The following CSF3R variants were observed in gnomAD, a reference collection of about 807,000 sequenced individuals.
The protein encoded by CSF3R is colony stimulating factor 3 receptor, also known as granulocyte colony-stimulating factor receptor.
Under a neutral mutation model 84.4 loss-of-function variants are expected in CSF3R, and 52 were observed. The ratio of observed to expected loss-of-function variants is 0.62; its 90% CI spans 0.49 to 0.78. CSF3R has a LOEUF of 0.78. Among genes scored for constraint, CSF3R ranks in the 30% least tolerant of loss-of-function variants. The pLI is 0.00. For missense variants in CSF3R, 890 were observed against 1,055.7 expected, an observed-to-expected ratio of 0.84 and a Z score of 2.17; for synonymous variants, 384 against 429.1, an observed-to-expected ratio of 0.89 and a Z score of 1.30.
In CSF3R at chr1:36,469,813, A is replaced by G. The variant is rs1279545396; in HGVS notation, c.1313T>C (p.Met438Thr). The G allele has an allele frequency of 1.9e-6, 3 of 1,613,946 alleles. No individual in the cohort carries two copies. The highest frequency in any genetic ancestry group is 2.5e-6 in the Non-Finnish European group (3 of 1,180,038). ...CCAGAGGCTGTGAGGGTCTCGGGCC[A>G]TGGCATGGAGTCTGGTCAGAGCTGG... The part of the protein sequence containing the change: ...RGPALTRLHA[M>T]ARDPHSLWVG... The change falls in exon 11 of 17, where the codon ATG (methionine) becomes ACG (threonine). Residue 438 changes from methionine to threonine, a missense_variant. Coordinates refer to ENST00000373106, the MANE Select transcript of CSF3R (RefSeq NM_000760.4).
At chr1:36,471,992 A>G (rs1650774844) in intron 9 of CSF3R, 74 bp downstream of exon 9, 1 of 1,482,448 alleles carries the variant, frequency 6.7e-7, no homozygotes, top group Non-Finnish European at 9.3e-7. Flanking sequence ...TGGAGTCCTA[A>G]GCCCCGGTTT....
chr1:36,477,061 A>T (rs1343348333), intron 3 of CSF3R: 1 of 152,130 alleles, frequency 6.6e-6, no homozygotes, highest in Admixed American at 6.5e-5. Flanking sequence ...CAGACCAGGC[A>T]CTAACGAACT....
rs759364352 is a variant in CSF3R, at chr1:36,475,659, C to T, written c.79G>A (p.Gly27Arg). Residue 27 changes from glycine (G) to arginine (R), a missense_variant, in exon 4 of 17, where the codon GGG becomes AGG. Physicochemically the swap from Gly to Arg is moderately radical, Grantham distance 125 (BLOSUM62 -2). Transcript: ENST00000373106. ...LLLPGSLEECGHISVSAPIVH... is the reference protein window; with the variant it reads ...LLLPGSLEECRHISVSAPIVH... ...ATGGGGGCTGAGACACTGATGTGCC[C>T]GCACTCCTCCAGACCTGGGGTGGAA... The T allele has an allele frequency of 1.0e-5, 16 of 1,607,070 alleles. No individual in the cohort carries two copies. Among genetic ancestry groups the T allele is most frequent in the Non-Finnish European group, 1.2e-5 (14 of 1,175,320 alleles).
intron 3 of CSF3R, 75 bp downstream of exon 3, chr1:36,479,358 A>G: frequency 1.5e-6 from 2 of 1,376,170 alleles, no homozygotes. Flanking sequence ...GCCATGTGGC[A>G]GTGCAAGGAA....
chr1:36,481,067 G>A (rs1443133161), intron 2 of CSF3R, among the ~76,000 whole-genome samples: 2 of 152,080 alleles, frequency 1.3e-5, no homozygotes, highest in East Asian at 1.9e-4. Context: ...TTATCCCCCC[G>A]CAACACTGGT....
At chr1:36,470,669 T>C (rs1650654701) in intron 10 of CSF3R, among the ~76,000 whole-genome samples, 1 of 152,224 alleles carries the variant, frequency 6.6e-6, no homozygotes, top group South Asian at 2.1e-4. Context: ...TAGTCCCACC[T>C]TGCGAGGACC....
At chr1:36,474,390 CTTTTTTTTTT>C (rs911099378) in intron 4 of CSF3R, among the ~76,000 whole-genome samples, 2 of 86,274 alleles carry the variant, frequency 2.3e-5, no homozygotes, top group African/African-American at 1.0e-4. Flanking sequence ...ATTACTGGTG[CTTTTTTTTTT>C]TTTTTTTTTT....
chr1:36,470,842 G>C (rs1650667994), intron 10 of CSF3R, among the ~76,000 whole-genome samples: 1 of 152,048 alleles, frequency 6.6e-6, no homozygotes, highest in Non-Finnish European at 1.5e-5. Context: ...AGCTTAACCT[G>C]GTCTGGCTAA....
intron 10 of CSF3R, among the ~76,000 whole-genome samples, chr1:36,470,344 C>G (rs1388089185): frequency 6.6e-6 from 1 of 152,036 alleles, no homozygotes; most frequent in African/African-American, 2.4e-5. Context: ...GCCACCATGC[C>G]CGGCTAATTT....
rs1391944248 is a variant in CSF3R at position 36,467,539 on chromosome 1, G to T, written c.1958+19C>A. 1.2e-6 allele frequency: 2 copies of T among 1,610,674 alleles called. No homozygotes were observed. Among genetic ancestry groups the T allele is most frequent in the Non-Finnish European group, 1.7e-6 (2 of 1,177,068 alleles). On this transcript the variant is annotated intron_variant, in intron 15 of 16. Coordinates refer to ENST00000373106, the MANE Select transcript of CSF3R (RefSeq NM_000760.4). This position sits in a 1 kb window ranked among gnomAD's most constrained non-coding sequence, Gnocchi z 4.1. Reference sequence around the variant, plus strand: ...GTGGGTGGGGGAAGCAGGATCTCAGGTCTCTCAAAGGGACTCACTTGGGGC... The same window carrying T: ...GTGGGTGGGGGAAGCAGGATCTCAGTTCTCTCAAAGGGACTCACTTGGGGC...
At chr1:36,474,738 G>A (rs922525418) in intron 4 of CSF3R, among the ~76,000 whole-genome samples, 6 of 152,280 alleles carry the variant, frequency 3.9e-5, no homozygotes, top group African/African-American at 1.4e-4. Context: ...AAGCCCAGCT[G>A]GTAGAGGATG....
chr1:36,478,509 A>G (rs1409927542), intron 3 of CSF3R, among the ~76,000 whole-genome samples: 6 of 152,028 alleles, frequency 3.9e-5, no homozygotes, highest in East Asian at 1.9e-4. Flanking sequence ...AGCCTGGGCA[A>G]GAGAGTGAGA....
intron 12 of CSF3R, chr1:36,468,650 C>T (rs1650503409): frequency 4.6e-6 from 1 of 215,248 alleles, no homozygotes; most frequent in African/African-American, 2.3e-5. Context: ...CCGATCCTCC[C>T]ACCTCAGCCT....
chr1:36,482,191 T>G (rs1482022310), intron 1 of CSF3R: 2 of 151,308 alleles, frequency 1.3e-5, no homozygotes, highest in Non-Finnish European at 2.9e-5. Flanking sequence ...AGGCGGTGAC[T>G]GAAATCCACA....
intron 9 of CSF3R, 129 bp downstream of exon 9, chr1:36,471,937 T>A (rs868865998): frequency 3.3e-6 from 3 of 922,682 alleles, no homozygotes; most frequent in Middle Eastern, 3.0e-4. Context: ...ACATGCAAAG[T>A]GCATGCAAAT....
intron 3 of CSF3R, chr1:36,479,195 C>T (rs566355430): frequency 3.4e-6 from 2 of 591,294 alleles, no homozygotes; most frequent in African/African-American, 1.8e-5. Flanking sequence ...AAGATCTGCG[C>T]CTCACTGGCC....
In CSF3R at chr1:36,473,534, G is replaced by GTTTGC. The variant is rs775386307; in HGVS notation, c.569_573dup (p.His192AlafsTer36). The GTTTGC allele has an allele frequency of 6.2e-7, 1 of 1,614,194 alleles. No homozygotes were observed. Among genetic ancestry groups the GTTTGC allele is most frequent in the Non-Finnish European group, 8.5e-7 (1 of 1,180,052 alleles). Reference sequence around the variant, plus strand: ...CCCATATTCTGGTACAACAGCAGGTGTTTGCGTGGGATGCAGCAGTGGCTC... The same window carrying GTTTGC: ...CCCATATTCTGGTACAACAGCAGGTGTTTGCTTTGCGTGGGATGCAGCAGTGGCTC... On this transcript the variant is annotated frameshift_variant, in exon 6 of 17. Transcript: ENST00000373106. LOFTEE classifies it high-confidence loss of function.
rs3918017 is a variant in CSF3R, at chr1:36,472,634, G to A, written c.726C>T (p.Ala242=). 0.016 allele frequency: 25,659 copies of A among 1,611,898 alleles called. 290 individuals carry two copies. The highest frequency in any genetic ancestry group is 0.019 in the Middle Eastern group (109 of 5,590). The change falls in exon 7 of 17, where the codon GCC becomes GCT. Residue 242 remains alanine, a synonymous_variant. Transcript: ENST00000373106. This position sits in a 1 kb window ranked among gnomAD's most constrained non-coding sequence, Gnocchi z 5.0. The stretch of plus-strand genomic sequence containing the variant: ...GCTGTAGGCAGCCTGCCTGGGGAGG[G>A]GCCGCTTCAGGGCTGGGGTCCATGG... The part of the protein sequence containing the change: ...LRTMDPSPEA[A]PPQAGCLQLC...
chr1:36,479,584 C>G, intron 2 of CSF3R, 68 bp from the exon 3 acceptor site: 4 of 1,271,394 alleles, frequency 3.1e-6, no homozygotes, highest in Non-Finnish European at 4.6e-6. Context: ...CCTTGTCTGT[C>G]ACTGTGCAGC....
Sources: gnomAD v4.1 joint callset for allele counts (sites outside exome capture counted in the v4.1 genomes callset) on GRCh38, gnomAD v4.1.1 for gene constraint, Gnocchi (gnomAD v3.1) non-coding constraint, MANE v1.5 for transcripts, NCBI Gene and HGNC (gene_info 2026-07-23, HGNC 2026-07-21) for gene names.